Variants in THSD7B observed in about 807,000 individuals in gnomAD.
THSD7B encodes thrombospondin type 1 domain containing 7B.
In THSD7B, 138 loss-of-function variants were observed where a neutral mutation model predicts 213.6. The observed-to-expected ratio is 0.65, with a 90% CI of 0.56 to 0.74. The LOEUF is 0.74. THSD7B is among the 30% of genes least tolerant of loss of function. THSD7B has a pLI of 0.00. For synonymous variants in THSD7B, 742 were observed against 687.0 expected, an observed-to-expected ratio of 1.08 and a Z score of -1.25; for missense variants, 1,931 against 1,991.5, an observed-to-expected ratio of 0.97 and a Z score of 0.58.
intron 1 of THSD7B, among the ~76,000 whole-genome samples, chr2:136,849,149 A>G (rs1218183520): frequency 6.6e-6 from 1 of 152,114 alleles, no homozygotes; most frequent in East Asian, 1.9e-4. Flanking sequence ...CCACTGATAC[A>G]TCTGGTTTCT....
intron 7 of THSD7B, among the ~76,000 whole-genome samples, chr2:137,201,441 C>T (rs978403987): frequency 1.3e-5 from 2 of 152,164 alleles, no homozygotes; most frequent in African/African-American, 4.8e-5. Context: ...ATGTACCCAG[C>T]AGTGCTGAGA....
chr2:137,527,456 A>T (rs1360009393), intron 15 of THSD7B, among the ~76,000 whole-genome samples: 1 of 152,156 alleles, frequency 6.6e-6, no homozygotes, highest in African/African-American at 2.4e-5. Flanking sequence ...TTCTGTCATA[A>T]TAATAAAAAG....
rs1682380093 is a variant in THSD7B, at chr2:137,616,106, C to A, written c.3424-69C>A. On this transcript the variant is annotated intron_variant, in intron 17 of 27. Coordinates refer to ENST00000409968, the MANE Select transcript of THSD7B (RefSeq NM_001316349.2). ...ATTGTTACATATGTGCCTACTTATA[C>A]CTGTATATCTTATATAATTTATCAA... 5 of 1,529,800 alleles carry A rather than the reference C, an allele frequency of 3.3e-6. No homozygotes were observed. In the African/African-American group the frequency reaches 6.9e-5, roughly 21 times the overall value. 94.8% of individuals were successfully genotyped at this position (1,529,800 alleles called of 1,614,324 possible).
chr2:136,886,669 G>A (rs1292790147), intron 2 of THSD7B, among the ~76,000 whole-genome samples: 2 of 152,174 alleles, frequency 1.3e-5, no homozygotes, highest in Non-Finnish European at 2.9e-5. Flanking sequence ...CAGTGCCCAG[G>A]TTGAGAAACC....
At chr2:136,833,358 C>T (rs556274265) in intron 1 of THSD7B, among the ~76,000 whole-genome samples, 108 of 63,384 alleles carry the variant, frequency 1.7e-3, no homozygotes, top group African/African-American at 5.5e-3. Flanking sequence ...AGCGAGACTC[C>T]GTCTCAAAAA....
At chr2:137,076,548 G>A (rs1687627784) in intron 3 of THSD7B, among the ~76,000 whole-genome samples, 1 of 152,328 alleles carries the variant, frequency 6.6e-6, no homozygotes, top group African/African-American at 2.4e-5. Flanking sequence ...CGGGTGAGGC[G>A]ATGTCTCGCC....
intron 1 of THSD7B, among the ~76,000 whole-genome samples, chr2:136,858,127 A>G (rs1245705407): frequency 1.3e-5 from 2 of 152,240 alleles, no homozygotes; most frequent in African/African-American, 4.8e-5. Flanking sequence ...CATTGGAGAA[A>G]AATAATTAAG....
At chr2:137,095,489 A>G (rs2104919407) in intron 4 of THSD7B, among the ~76,000 whole-genome samples, 1 of 152,332 alleles carries the variant, frequency 6.6e-6, no homozygotes, top group East Asian at 1.9e-4. Flanking sequence ...GAGGCCATTC[A>G]TGGCATCTCC....
intron 15 of THSD7B, among the ~76,000 whole-genome samples, chr2:137,474,839 C>G (rs770176900): frequency 3.9e-5 from 6 of 152,106 alleles, no homozygotes; most frequent in Non-Finnish European, 5.9e-5. Context: ...ACACAAAAGC[C>G]ACATACCACA....
intron 2 of THSD7B, among the ~76,000 whole-genome samples, chr2:136,980,802 G>A (rs776619692): frequency 2.0e-5 from 3 of 152,154 alleles, no homozygotes; most frequent in Non-Finnish European, 4.4e-5. Flanking sequence ...CTAATCTGTG[G>A]AAAATTCATG....
intron 22 of THSD7B, among the ~76,000 whole-genome samples, chr2:137,656,131 A>C (rs546476119): frequency 1.3e-5 from 2 of 152,294 alleles, no homozygotes; most frequent in South Asian, 4.2e-4. Context: ...GTTCTATATA[A>C]ATTTTATTAG....
chr2:137,363,406 C>T (rs1685319871), intron 12 of THSD7B, among the ~76,000 whole-genome samples: 1 of 152,022 alleles, frequency 6.6e-6, no homozygotes, highest in African/African-American at 2.4e-5. Flanking sequence ...CAGAAGGAGA[C>T]AGAGACACAA....
intron 1 of THSD7B, among the ~76,000 whole-genome samples, chr2:136,798,850 A>G (rs1048699011): frequency 1.3e-5 from 2 of 152,000 alleles, no homozygotes; most frequent in Admixed American, 6.6e-5. Flanking sequence ...ATAAACATTG[A>G]CCAAAGGACA....
intron 20 of THSD7B, among the ~76,000 whole-genome samples, chr2:137,634,389 A>G (rs762235448): frequency 1.3e-5 from 2 of 152,200 alleles, no homozygotes; most frequent in South Asian, 4.1e-4. Context: ...TATTGCTTTT[A>G]TATATCTACA....
chr2:137,318,023 C>T (rs544481076), intron 12 of THSD7B, among the ~76,000 whole-genome samples: 2 of 152,294 alleles, frequency 1.3e-5, no homozygotes, highest in East Asian at 3.9e-4. Flanking sequence ...CATCATACAT[C>T]TGTTACAGTT....
At chr2:137,374,254 A>G (rs1175358254) in intron 12 of THSD7B, among the ~76,000 whole-genome samples, 1 of 152,118 alleles carries the variant, frequency 6.6e-6, no homozygotes, top group East Asian at 1.9e-4. Context: ...CTTTCCATTT[A>G]ACTCCACTTT....
At chr2:137,208,467 G>A (rs771140972) in intron 7 of THSD7B, among the ~76,000 whole-genome samples, 48 of 152,018 alleles carry the variant, frequency 3.2e-4, no homozygotes, top group Non-Finnish European at 6.0e-4. Flanking sequence ...TAAGGCCCAG[G>A]AAAGGCCTAC....
intron 15 of THSD7B, among the ~76,000 whole-genome samples, chr2:137,561,583 G>A (rs753679126): frequency 6.6e-6 from 1 of 152,124 alleles, no homozygotes; most frequent in Non-Finnish European, 1.5e-5. Flanking sequence ...CATAAATTCA[G>A]TGAAAGCATC....
rs1221829864 is a variant in THSD7B, at chr2:137,411,863, A to T, written c.2950A>T (p.Ser984Cys). The stretch of plus-strand genomic sequence containing the variant: ...AAGACCTGTTGACCCCTCCTTCTGC[A>T]GCAGCTCTGGTAAGGAGATGGATGG... Reference protein sequence around the residue: ...NGRPVDPSFCSSSGYIQEKCV... With the variant: ...NGRPVDPSFCCSSGYIQEKCV... The change falls in exon 14 of 28, where the codon AGC becomes TGC. Residue 984 changes from serine to cysteine, a missense_variant. Coordinates refer to ENST00000409968, the MANE Select transcript of THSD7B (RefSeq NM_001316349.2). The T allele has an allele frequency of 6.2e-7, 1 of 1,614,008 alleles. No individual in the cohort carries two copies. The highest frequency in any genetic ancestry group is 1.7e-5 in the Admixed American group (1 of 60,024).
Sources: gnomAD v4.1 joint callset for allele counts (sites outside exome capture counted in the v4.1 genomes callset) on GRCh38, gnomAD v4.1.1 for gene constraint, MANE v1.5 for transcripts, NCBI Gene and HGNC (gene_info 2026-07-23, HGNC 2026-07-21) for gene names.